ASPM: variants seen among roughly 807,000 people sequenced by gnomAD.
ASPM encodes abnormal spindle-like microcephaly-associated protein.
Under a neutral mutation model 366.4 loss-of-function variants are expected in ASPM, and 256 were observed. That is an observed-to-expected ratio of 0.70 (90% CI 0.63 to 0.77). The LOEUF is 0.77. Ranked by LOEUF, ASPM falls within the 30% of genes least tolerant of loss-of-function variation. The pLI is 0.00. For synonymous variants in ASPM, 1,414 were observed against 1,342.9 expected (o/e 1.05, Z -1.16); for missense variants, 4,146 against 4,090.4 (o/e 1.01, Z -0.37).
Position 197,103,899 on chromosome 1 carries a change from G to A in ASPM, c.5352C>T (p.Tyr1784=). The A allele has an allele frequency of 6.2e-7, 1 of 1,612,706 alleles. No individual in the cohort carries two copies. Among genetic ancestry groups the A allele is most frequent in the African/African-American group, 1.3e-5 (1 of 74,940 alleles). Reference sequence around the variant, plus strand: ...TGACCTGTGCTTTGTATGCATGATAGTAATTCTGAATGACAATAATTGCTT... The same window carrying A: ...TGACCTGTGCTTTGTATGCATGATAATAATTCTGAATGACAATAATTGCTT... ...MYKAIIVIQN[Y]YHAYKAQVNQ... is the part of the protein sequence containing the mutation. Residue 1784 remains tyrosine, a synonymous_variant, in exon 18 of 28, where the codon TAC becomes TAT. Transcript: ENST00000367409.
chr1:197,101,029 G>T lies in ASPM; in HGVS notation c.8222C>A (p.Ser2741Tyr), dbSNP rs1301624782. 6.2e-7 allele frequency: 1 copy of T among 1,612,036 alleles called. No homozygotes were observed. The highest frequency in any genetic ancestry group is 8.5e-7 in the Non-Finnish European group (1 of 1,179,034). Residue 2741 changes from serine to tyrosine, a missense_variant, in exon 18 of 28, where the codon TCT (serine) becomes TAT (tyrosine). Physicochemically the swap from Ser to Tyr is moderately radical, Grantham distance 144 (BLOSUM62 -2). Transcript: ENST00000367409. ...ERKNFLAVQK[S>Y]VRTIQAAFRG... is the part of the protein sequence containing the mutation. Reference sequence around the variant, plus strand: ...AAAAGCAGCCTGAATAGTTCGTACAGATTTCTGAACTGCTAAAAAGTTTTT... The same window carrying T: ...AAAAGCAGCCTGAATAGTTCGTACATATTTCTGAACTGCTAAAAAGTTTTT...
rs76099159 is a variant in ASPM at position 197,105,825 on chromosome 1, T to G, written c.4066-640A>C. On this transcript the variant is annotated intron_variant, in intron 17 of 27. Transcript: ENST00000367409. The stretch of plus-strand genomic sequence containing the variant: ...AAAACTTTTGTCTTTTGAAAAGCCA[T>G]GGTTACAATGGCTAATCCAACTGTA... Among the ~76,000 whole-genome samples, 746 of 152,136 alleles carry G rather than the reference T, an allele frequency of 4.9e-3. 22 individuals carry two copies. In the East Asian group the frequency reaches 0.063, roughly 13 times the overall value.
In ASPM at chr1:197,104,214, T is replaced by G. The variant is rs1266014287; in HGVS notation, c.5037A>C (p.Lys1679Asn). ...YVSKKEFLSL[K>N]NATIKLQSTV... ...TTGACTGCAATTTTATTGTAGCATT[T>G]TTTAGGCTCAAAAATTCCTTTTTAG... Residue 1679 changes from lysine (K) to asparagine (N), a missense_variant, in exon 18 of 28, where the codon AAA becomes AAC. Lys to Asn is a moderately conservative substitution (Grantham distance 94). Transcript: ENST00000367409. The G allele has an allele frequency of 3.1e-6, 5 of 1,612,582 alleles. No individual in the cohort carries two copies. In the South Asian group the frequency reaches 4.4e-5, roughly 14 times the overall value.
intron 4 of ASPM, among the ~76,000 whole-genome samples, chr1:197,136,127 C>T (rs1301593080): frequency 6.6e-6 from 1 of 152,086 alleles, no homozygotes; most frequent in Non-Finnish European, 1.5e-5. Context: ...AATTGAGAAA[C>T]TGATAGCTGG....
At position 197,129,903 on chromosome 1, in the gene ASPM, A is replaced by G. The variant is rs1426587627; in HGVS notation, c.2629+12T>C. On this transcript the variant is annotated intron_variant, in intron 8 of 27. Coordinates refer to ENST00000367409, the MANE Select transcript of ASPM (RefSeq NM_018136.5). ...AATGTGGAGAGAATGTAGGAGAGGC[A>G]GAGATACTTACCATCTCTATACAGG... 6.2e-7 allele frequency: 1 copy of G among 1,610,254 alleles called. No individual in the cohort carries two copies.
Position 197,143,805 on chromosome 1 carries a change from ACTC to A in ASPM, c.444_446del (p.Arg148del), listed in dbSNP as rs1169901822. On this transcript the variant is annotated inframe_deletion and splice_region_variant, in exon 3 of 28. Transcript: ENST00000367409. ...TCTTCTTTTTAATGGTATCCCAAAG[ACTC>A]CTCTGCAAAAATAAGGAAAATATAC... 3 of 1,611,932 alleles carry A rather than the reference ACTC, an allele frequency of 1.9e-6. No individual in the cohort carries two copies. The East Asian group carries it at 6.7e-5, about 36-fold the overall frequency.
intron 17 of ASPM, among the ~76,000 whole-genome samples, chr1:197,111,420 C>T (rs1657581400): frequency 6.6e-6 from 1 of 151,788 alleles, no homozygotes; most frequent in Non-Finnish European, 1.5e-5. Flanking sequence ...TTTAAAAAGT[C>T]AAAAAACAGA....
chr1:197,105,960 C>T (rs965655798), intron 17 of ASPM, among the ~76,000 whole-genome samples: 4 of 151,976 alleles, frequency 2.6e-5, no homozygotes, highest in African/African-American at 7.2e-5. Context: ...AGCAATAAGA[C>T]CATTCCTTTG....
intron 4 of ASPM, 108 bp from the exon 5 acceptor site, chr1:197,135,350 A>G: frequency 2.6e-6 from 3 of 1,143,694 alleles, no homozygotes; most frequent in Non-Finnish European, 2.6e-6. Context: ...ACACTGAACA[A>G]TATTTGCTTT....
intron 16 of ASPM, among the ~76,000 whole-genome samples, chr1:197,120,918 G>T (rs982735076): frequency 2.6e-4 from 40 of 152,100 alleles, no homozygotes; most frequent in African/African-American, 9.2e-4. Context: ...TAGGGGAAAA[G>T]AAAATTATTT....
intron 10 of ASPM, among the ~76,000 whole-genome samples, chr1:197,126,473 G>A (rs1171869723): frequency 1.4e-5 from 2 of 145,528 alleles, no homozygotes; most frequent in Non-Finnish European, 3.0e-5. Context: ...AAAAAGGGAG[G>A]GGGACTTTCT....
rs771693058 is a variant in ASPM, at chr1:197,135,125, T to A, written c.2144A>T (p.Asp715Val). Reference sequence around the variant, plus strand: ...AGAAATATTTGTTTTTACAGTGAAGTCATCAGGGGTTAATATAAAATTTAA... The same window carrying A: ...AGAAATATTTGTTTTTACAGTGAAGACATCAGGGGTTAATATAAAATTTAA... Reference protein sequence around the residue: ...WWLNFILTPDDFTVKTNISEV... With the variant: ...WWLNFILTPDVFTVKTNISEV... Residue 715 changes from aspartate to valine, a missense_variant, in exon 5 of 28, where the codon GAC becomes GTC. This residue lies in a region of ASPM where 3,624 missense variants were observed against 3,591.7 expected (regional missense o/e 1.01). Transcript: ENST00000367409. 9 of 1,604,330 alleles carry A rather than the reference T, an allele frequency of 5.6e-6. No homozygotes were observed. Among genetic ancestry groups the A allele is most frequent in the Non-Finnish European group, 7.7e-6 (9 of 1,171,302 alleles).
Position 197,130,151 on chromosome 1 carries a change from G to T in ASPM, c.2488-95C>A, listed in dbSNP as rs577969171. 47 of 1,290,288 alleles carry T rather than the reference G, an allele frequency of 3.6e-5. No homozygotes were observed. In the South Asian group the frequency reaches 5.4e-4, roughly 15 times the overall value. 79.9% of individuals were successfully genotyped at this position (1,290,288 alleles called of 1,614,324 possible). ...TGGCAGACCATAACCTAAGGAACTG[G>T]CAATGTTCTACTTTCTAAATGACAT... On this transcript the variant is annotated intron_variant, in intron 7 of 27. Transcript: ENST00000367409.
At chr1:197,126,878 C>T (rs1658106949) in intron 10 of ASPM, among the ~76,000 whole-genome samples, 2 of 152,182 alleles carry the variant, frequency 1.3e-5, no homozygotes, top group Admixed American at 6.5e-5. Context: ...CCTCTGACCT[C>T]TGCTTGAACC....
chr1:197,135,839 G>A (rs1278926399), intron 4 of ASPM, among the ~76,000 whole-genome samples: 1 of 151,946 alleles, frequency 6.6e-6, no homozygotes, highest in Non-Finnish European at 1.5e-5. Context: ...TGTAGCCCCA[G>A]CTACCTGGGA....
chr1:197,112,897 A>T (rs975615307), intron 17 of ASPM, among the ~76,000 whole-genome samples: 12 of 152,256 alleles, frequency 7.9e-5, no homozygotes, highest in African/African-American at 2.9e-4. Flanking sequence ...GGCAAAATAA[A>T]CTTTCTAAAT....
chr1:197,123,464 C>T (rs1341895400), intron 13 of ASPM, among the ~76,000 whole-genome samples: 2 of 152,048 alleles, frequency 1.3e-5, no homozygotes, highest in African/African-American at 4.8e-5. Context: ...TTAATTAATA[C>T]CGATGATCAA....
chr1:197,142,766 T>C lies in ASPM; in HGVS notation c.1486A>G (p.Thr496Ala). The change falls in exon 3 of 28, where the codon ACT becomes GCT. Residue 496 changes from threonine to alanine, a missense_variant. Thr to Ala is a moderately conservative substitution (Grantham distance 58, BLOSUM62 0). Coordinates refer to ENST00000367409, the MANE Select transcript of ASPM (RefSeq NM_018136.5). ...QPKRRPILSA[T>A]VTKRKATCTR... is the part of the protein sequence containing the mutation. Reference sequence around the variant, plus strand: ...CAGGTGGCCTTCCTTTTAGTAACAGTGGCAGAAAGTATTGGACGTCTCTTA... The same window carrying C: ...CAGGTGGCCTTCCTTTTAGTAACAGCGGCAGAAAGTATTGGACGTCTCTTA... 2 of 1,613,802 alleles carry C rather than the reference T, an allele frequency of 1.2e-6. No individual in the cohort carries two copies. The highest frequency in any genetic ancestry group is 1.7e-6 in the Non-Finnish European group (2 of 1,179,684).
chr1:197,139,202 AT>A, intron 4 of ASPM: 4 of 964,164 alleles, frequency 4.1e-6, no homozygotes, highest in South Asian at 1.3e-5. Context: ...AGTGATTTTC[AT>A]TTTCCACTTG....
Sources: gnomAD v4.1 joint callset for allele counts (sites outside exome capture counted in the v4.1 genomes callset) on GRCh38, gnomAD v4.1.1 for gene constraint, gnomAD v4.1.1 regional missense constraint, MANE v1.5 for transcripts, NCBI Gene and HGNC (gene_info 2026-07-23, HGNC 2026-07-21) for gene names.